The following SH3BP5 variants were observed in gnomAD, a reference collection of about 807,000 sequenced individuals.
SH3BP5 encodes SH3 domain binding protein 5, also known as SH3 domain-binding protein 5.
In SH3BP5, 22 loss-of-function variants were observed where a neutral mutation model predicts 43.3. The ratio of observed to expected loss-of-function variants is 0.51; its 90% CI spans 0.36 to 0.73. SH3BP5 has a LOEUF of 0.73. Among genes scored for constraint, SH3BP5 ranks in the 30% least tolerant of loss-of-function variants. The pLI is 0.00. For synonymous variants in SH3BP5, 255 were observed against 225.8 expected, an observed-to-expected ratio of 1.13 and a Z score of -1.16; for missense variants, 529 against 586.9, an observed-to-expected ratio of 0.90 and a Z score of 1.02.
chr3:15,303,769 G>A (rs1026247018), intron 3 of SH3BP5, among the ~76,000 whole-genome samples: 25 of 152,082 alleles, frequency 1.6e-4, no homozygotes, highest in Admixed American at 1.6e-3. Context: ...AGAGTGAGGC[G>A]AACGCGAGGC....
chr3:15,278,260 C>T (rs1445913767), intron 3 of SH3BP5, among the ~76,000 whole-genome samples: 1 of 152,222 alleles, frequency 6.6e-6, no homozygotes, highest in Non-Finnish European at 1.5e-5. Context: ...AGAGGCCTTT[C>T]CAACCCAACC....
upstream of SH3BP5, chr3:15,332,976 C>T: frequency 1.7e-6 from 1 of 591,598 alleles, no homozygotes; most frequent in Non-Finnish European, 2.1e-6. Context: ...CACACTCATC[C>T]TCTTGAGCGA....
chr3:15,331,267 G>A (rs933115333), intron 1 of SH3BP5, among the ~76,000 whole-genome samples: 21 of 152,130 alleles, frequency 1.4e-4, no homozygotes, highest in African/African-American at 5.1e-4. Context: ...CCTAATGCAA[G>A]GATTTTTTTT....
intron 2 of SH3BP5, among the ~76,000 whole-genome samples, chr3:15,323,742 GAC>G (rs1295824075): frequency 6.6e-6 from 1 of 152,092 alleles, no homozygotes; most frequent in Non-Finnish European, 1.5e-5. Context: ...CAAAAACTGA[GAC>G]ACAATCCCAT....
intron 3 of SH3BP5, among the ~76,000 whole-genome samples, chr3:15,281,504 C>T (rs950115653): frequency 1.3e-5 from 2 of 152,156 alleles, no homozygotes; most frequent in Non-Finnish European, 2.9e-5. Flanking sequence ...CTCTCTCCTT[C>T]CTCTCCAGCA....
intron 7 of SH3BP5, among the ~76,000 whole-genome samples, chr3:15,258,339 G>C (rs78365740): frequency 0.12 from 18,151 of 152,140 alleles, 1,297 homozygotes; most frequent in East Asian, 0.33. Flanking sequence ...ACCATTTGCT[G>C]AGTGCTTCTT....
chr3:15,265,302 G>A (rs1696593125), intron 4 of SH3BP5, among the ~76,000 whole-genome samples: 1 of 152,088 alleles, frequency 6.6e-6, no homozygotes. Flanking sequence ...GATCACTTGA[G>A]GTCAGGAGTT....
At chr3:15,281,817 A>G (rs150664338) in intron 3 of SH3BP5, among the ~76,000 whole-genome samples, 1 of 152,296 alleles carries the variant, frequency 6.6e-6, no homozygotes, top group African/African-American at 2.4e-5. Context: ...AGCCTGGCCA[A>G]CATGGTGAAA....
At chr3:15,333,619 A>G (rs57704709), upstream of SH3BP5, among the ~76,000 whole-genome samples, 3,037 of 152,274 alleles carry the variant, frequency 0.02, 110 homozygotes, top group African/African-American at 0.067. Flanking sequence ...AGCCTGGACA[A>G]TACAGCCAGA....
intron 3 of SH3BP5, among the ~76,000 whole-genome samples, chr3:15,275,468 AT>A (rs1696935984): frequency 6.6e-6 from 1 of 152,218 alleles, no homozygotes; most frequent in Admixed American, 6.5e-5. Flanking sequence ...AGGCCCTGGT[AT>A]TTAATACATT....
chr3:15,296,160 AT>A (rs1697562842), intron 3 of SH3BP5, among the ~76,000 whole-genome samples: 1 of 152,224 alleles, frequency 6.6e-6, no homozygotes, highest in Non-Finnish European at 1.5e-5. Context: ...ATGAGAACTG[AT>A]TGTATTTACC....
chr3:15,299,614 C>T (rs1191800228), intron 3 of SH3BP5, among the ~76,000 whole-genome samples: 1 of 151,246 alleles, frequency 6.6e-6, no homozygotes, highest in Non-Finnish European at 1.5e-5. Flanking sequence ...CTGCTTCAGC[C>T]TCCTAAGGGC....
At chr3:15,313,938 C>T (rs1698123068) in intron 2 of SH3BP5, among the ~76,000 whole-genome samples, 1 of 151,942 alleles carries the variant, frequency 6.6e-6, no homozygotes, top group Admixed American at 6.6e-5. Flanking sequence ...CCCATCTCTA[C>T]TAAAAACACA....
intron 2 of SH3BP5, among the ~76,000 whole-genome samples, chr3:15,322,139 G>A (rs1336382225): frequency 6.6e-6 from 1 of 151,886 alleles, no homozygotes; most frequent in African/African-American, 2.4e-5. Flanking sequence ...GGAGGTGGAG[G>A]TTGCAATGAG....
At chr3:15,319,003 C>G (rs975782021) in intron 2 of SH3BP5, among the ~76,000 whole-genome samples, 1 of 152,156 alleles carries the variant, frequency 6.6e-6, no homozygotes, top group African/African-American at 2.4e-5. Context: ...GAAGACCCAG[C>G]AAAACCAGTG....
intron 6 of SH3BP5, 157 bp from the exon 7 acceptor site, chr3:15,259,207 A>T (rs1696338066): frequency 1.6e-6 from 1 of 641,642 alleles, no homozygotes; most frequent in South Asian, 1.9e-5. Context: ...ACTGCTATTC[A>T]TTCACCAGAC....
At chr3:15,282,034 T>A (rs1026674879) in intron 3 of SH3BP5, among the ~76,000 whole-genome samples, 1 of 152,148 alleles carries the variant, frequency 6.6e-6, no homozygotes, top group Non-Finnish European at 1.5e-5. Context: ...CACATTTTGA[T>A]GCCTTGCACA....
intron 3 of SH3BP5, among the ~76,000 whole-genome samples, chr3:15,293,799 C>T (rs905073095): frequency 2.3e-4 from 35 of 152,134 alleles, no homozygotes; most frequent in South Asian, 1.2e-3. Flanking sequence ...TCTTGCAGGC[C>T]GGACGCAGTG....
chr3:15,306,384 G>T (rs1053281734), intron 2 of SH3BP5, among the ~76,000 whole-genome samples: 2 of 152,006 alleles, frequency 1.3e-5, no homozygotes, highest in Admixed American at 1.3e-4. Context: ...AAACTAGCTG[G>T]GCATGGTGCC....
Sources: allele counts gnomAD v4.1 joint callset (sites outside exome capture counted in the v4.1 genomes callset), GRCh38; gene constraint gnomAD v4.1.1; transcripts MANE v1.5; gene names NCBI Gene and HGNC (gene_info 2026-07-23, HGNC 2026-07-21).